PRKN: variants seen among roughly 807,000 people sequenced by gnomAD.
The protein encoded by PRKN is E3 ubiquitin-protein ligase parkin.
PRKN carries 56 observed loss-of-function variants against 59.5 expected under a neutral mutation model. That is an observed-to-expected ratio of 0.94 (90% CI 0.76 to 1.18). The LOEUF (loss-of-function observed/expected upper bound fraction) is 1.18, where lower values mean the gene tolerates loss of function less well. Ranked by LOEUF, PRKN falls within the 50% of genes most tolerant of loss-of-function variation. The pLI, the probability that PRKN is intolerant of heterozygous loss-of-function variation, is 0.00. For missense variants in PRKN, 657 were observed against 596.4 expected (o/e 1.10, Z -1.06); for synonymous variants, 250 against 222.1 (o/e 1.13, Z -1.12).
chr6:162,102,784 C>T (rs923935738), intron 4 of PRKN, among the ~76,000 whole-genome samples: 17 of 144,122 alleles, frequency 1.2e-4, no homozygotes, highest in Admixed American at 2.7e-4. Flanking sequence ...TGGCTCACGC[C>T]TGTAATCCCA....
chr6:161,554,657 T>C lies in PRKN; in HGVS notation c.934-5654A>G, dbSNP rs754982389. 2.6e-5 allele frequency among the ~76,000 whole-genome samples: 4 copies of C among 151,752 alleles called. No individual in the cohort carries two copies. The highest frequency in any genetic ancestry group is 4.8e-5 in the African/African-American group (2 of 41,330). ...TACATAAAAAGAATATATGGAATTATAGTTTCTTACAGTATACATATAAGG... is the reference window on the plus strand; with the variant it reads ...TACATAAAAAGAATATATGGAATTACAGTTTCTTACAGTATACATATAAGG... On this transcript the variant is annotated intron_variant, in intron 8 of 11. Coordinates refer to ENST00000366898, the MANE Select transcript of PRKN (RefSeq NM_004562.3). The surrounding 1 kb of genome is among the most constrained non-coding windows in gnomAD (Gnocchi z 4.5).
At chr6:161,699,424 G>A (rs1294640185) in intron 7 of PRKN, among the ~76,000 whole-genome samples, 2 of 152,066 alleles carry the variant, frequency 1.3e-5, no homozygotes, top group African/African-American at 4.8e-5. Flanking sequence ...GTTCCAAAGT[G>A]GAATGACCCA....
intron 7 of PRKN, among the ~76,000 whole-genome samples, chr6:161,714,696 T>C (rs1408600465): frequency 6.6e-6 from 1 of 152,196 alleles, no homozygotes; most frequent in East Asian, 1.9e-4. Context: ...CAAAGACAAC[T>C]TTCTCATTTA....
intron 4 of PRKN, among the ~76,000 whole-genome samples, chr6:162,106,036 G>A (rs1006176677): frequency 9.2e-5 from 14 of 152,152 alleles, no homozygotes; most frequent in Middle Eastern, 3.2e-3. Context: ...AATTTAGGAG[G>A]AGACAAAAAA....
At chr6:162,232,535 CTT>C (rs1412290503) in intron 3 of PRKN, among the ~76,000 whole-genome samples, 3 of 152,174 alleles carry the variant, frequency 2.0e-5, no homozygotes, top group African/African-American at 7.2e-5. Flanking sequence ...TTTCCTTTCA[CTT>C]TTCTGAGGAT....
chr6:161,885,304 G>A (rs746457985), intron 6 of PRKN, among the ~76,000 whole-genome samples: 1 of 152,076 alleles, frequency 6.6e-6, no homozygotes, highest in East Asian at 1.9e-4. Flanking sequence ...ACAGTGACTG[G>A]CTTCTATCTG....
intron 1 of PRKN, among the ~76,000 whole-genome samples, chr6:162,649,545 G>T (rs1778335578): frequency 6.6e-6 from 1 of 151,972 alleles, no homozygotes; most frequent in Admixed American, 6.6e-5. Context: ...ATTAATCAAA[G>T]TTGAGGAACA....
At chr6:162,387,448 C>T (rs897379320) in intron 2 of PRKN, among the ~76,000 whole-genome samples, 2 of 149,494 alleles carry the variant, frequency 1.3e-5, no homozygotes, top group African/African-American at 4.9e-5. Flanking sequence ...TGAGAAACAA[C>T]GATAATAATT....
intron 6 of PRKN, among the ~76,000 whole-genome samples, chr6:161,889,573 T>A (rs1795270349): frequency 6.6e-6 from 1 of 152,200 alleles, no homozygotes; most frequent in African/African-American, 2.4e-5. Context: ...CAGGTGGTGC[T>A]GGGAGATGAC....
intron 1 of PRKN, among the ~76,000 whole-genome samples, chr6:162,575,172 G>A (rs182468797): frequency 1.2e-3 from 190 of 152,198 alleles, no homozygotes; most frequent in East Asian, 9.7e-3. Context: ...CAAATTCCAG[G>A]CCATGCACCT....
chr6:162,385,631 C>G (rs746388705), intron 2 of PRKN, among the ~76,000 whole-genome samples: 2 of 152,060 alleles, frequency 1.3e-5, no homozygotes, highest in Non-Finnish European at 2.9e-5. Flanking sequence ...CTCATCTTCA[C>G]AAGGCTGACC....
intron 6 of PRKN, among the ~76,000 whole-genome samples, chr6:161,944,578 A>G (rs9347572): frequency 0.44 from 66,105 of 151,882 alleles, 14,593 homozygotes; most frequent in Middle Eastern, 0.61. Flanking sequence ...CCTTTCCCCT[A>G]GATGATGAGT....
At chr6:161,425,668 G>A (rs977957546) in intron 9 of PRKN, among the ~76,000 whole-genome samples, 3 of 152,146 alleles carry the variant, frequency 2.0e-5, no homozygotes, top group African/African-American at 7.2e-5. Flanking sequence ...CCACTGGAGA[G>A]GTGTCTTCAG....
At chr6:162,493,420 C>T (rs1395108855) in intron 1 of PRKN, among the ~76,000 whole-genome samples, 1 of 152,078 alleles carries the variant, frequency 6.6e-6, no homozygotes, top group Non-Finnish European at 1.5e-5. Context: ...CAGCAATGAG[C>T]CAAGGACACT....
intron 3 of PRKN, among the ~76,000 whole-genome samples, chr6:162,224,154 C>A (rs1160171433): frequency 2.6e-5 from 4 of 151,956 alleles, no homozygotes. Context: ...AAGCTAAGAC[C>A]AAGCTGAGCT....
chr6:162,156,717 C>G (rs1028699442), intron 4 of PRKN, among the ~76,000 whole-genome samples: 5 of 152,112 alleles, frequency 3.3e-5, no homozygotes, highest in Admixed American at 6.5e-5. Flanking sequence ...TTGGCAACCC[C>G]CTCACAGACA....
At chr6:161,436,056 T>G (rs982641584) in intron 9 of PRKN, among the ~76,000 whole-genome samples, 2 of 2,226 alleles carry the variant, frequency 9.0e-4, no homozygotes, top group Non-Finnish European at 1.7e-3. Context: ...GAGGAGGGGG[T>G]GGGATGGGAG....
At chr6:162,328,135 C>T (rs866469241) in intron 2 of PRKN, among the ~76,000 whole-genome samples, 1 of 152,164 alleles carries the variant, frequency 6.6e-6, no homozygotes, top group Non-Finnish European at 1.5e-5. Flanking sequence ...CCAAGGCAGG[C>T]GGGTCACAAA....
chr6:162,275,630 C>T (rs1780603068), intron 2 of PRKN, among the ~76,000 whole-genome samples: 1 of 151,932 alleles, frequency 6.6e-6, no homozygotes, highest in Non-Finnish European at 1.5e-5. Context: ...ACTAAAAATA[C>T]AAAAATTAGC....
Sources: gnomAD v4.1 joint callset for allele counts (sites outside exome capture counted in the v4.1 genomes callset) on GRCh38, gnomAD v4.1.1 for gene constraint, Gnocchi (gnomAD v3.1) non-coding constraint, MANE v1.5 for transcripts, NCBI Gene and HGNC (gene_info 2026-07-23, HGNC 2026-07-21) for gene names.